The following EFCAB5 variants were observed in gnomAD, a reference collection of about 807,000 sequenced individuals.
EFCAB5 encodes EF-hand calcium-binding domain-containing protein 5.
A neutral mutation model predicts 167.9 loss-of-function variants in EFCAB5; 131 were observed. The ratio of observed to expected loss-of-function variants is 0.78; its 90% confidence interval spans 0.68 to 0.90. The LOEUF (loss-of-function observed/expected upper bound fraction) is 0.90, where lower values mean the gene tolerates loss of function less well. Among genes scored for constraint, EFCAB5 ranks in the 40% least tolerant of loss-of-function variants. EFCAB5 has a pLI of 0.00. For missense variants in EFCAB5, 1,663 were observed against 1,745.2 expected (o/e 0.95, Z 0.84); for synonymous variants, 574 against 602.8 (o/e 0.95, Z 0.70).
At chr17:30,010,775 A>C (rs918459339) in intron 7 of EFCAB5, among the ~76,000 whole-genome samples, 2 of 152,166 alleles carry the variant, frequency 1.3e-5, no homozygotes, top group Non-Finnish European at 2.9e-5. Context: ...CTTTGATGGT[A>C]GTTTCTCTGG....
intron 7 of EFCAB5, among the ~76,000 whole-genome samples, chr17:30,030,955 A>G (rs1233972726): frequency 1.3e-5 from 2 of 152,212 alleles, no homozygotes; most frequent in Non-Finnish European, 2.9e-5. Flanking sequence ...ACAGCCAGAA[A>G]GCTCATATGG....
At chr17:30,100,740 C>A (rs1232119147) in intron 22 of EFCAB5, among the ~76,000 whole-genome samples, 2 of 150,982 alleles carry the variant, frequency 1.3e-5, no homozygotes, top group Non-Finnish European at 2.9e-5. Context: ...GTGCTCCAAC[C>A]TAGGCGACAG....
At chr17:30,064,241 A>G (rs1374053156) in intron 14 of EFCAB5, among the ~76,000 whole-genome samples, 2 of 152,250 alleles carry the variant, frequency 1.3e-5, no homozygotes, top group Non-Finnish European at 2.9e-5. Flanking sequence ...ACAAGACAAG[A>G]AAATTCAGAT....
At chr17:30,023,226 A>T (rs1361795901) in intron 7 of EFCAB5, among the ~76,000 whole-genome samples, 1 of 152,200 alleles carries the variant, frequency 6.6e-6, no homozygotes, top group Non-Finnish European at 1.5e-5. Context: ...CCTTCAAAAA[A>T]TTAATGAATC....
intron 4 of EFCAB5, among the ~76,000 whole-genome samples, chr17:29,982,851 C>T (rs146311803): frequency 3.9e-5 from 6 of 152,286 alleles, no homozygotes; most frequent in East Asian, 1.9e-4. Context: ...TTTCCTTATA[C>T]AGCTTGAATT....
At chr17:30,081,064 T>A (rs1475027625) in intron 17 of EFCAB5, 83 bp downstream of exon 17, 5 of 1,083,590 alleles carry the variant, frequency 4.6e-6, no homozygotes, top group African/African-American at 1.6e-5. Context: ...TGAAATCCGA[T>A]GAGAGTAAAG....
chr17:29,973,659 G>A (rs909336217), intron 4 of EFCAB5, among the ~76,000 whole-genome samples: 3 of 150,964 alleles, frequency 2.0e-5, no homozygotes, highest in African/African-American at 4.9e-5. Context: ...TGTATTTTTC[G>A]TAGAGACAGG....
intron 3 of EFCAB5, among the ~76,000 whole-genome samples, chr17:29,967,660 A>G (rs2067859083): frequency 6.6e-6 from 1 of 152,094 alleles, no homozygotes; most frequent in Non-Finnish European, 1.5e-5. Context: ...ATTCTTGCGC[A>G]TTTTTTAAAT....
chr17:30,054,114 A>C lies in EFCAB5; in HGVS notation c.2160A>C (p.Glu720Asp). Residue 720 changes from glutamate (E) to aspartate (D), a missense_variant, in exon 10 of 23, where the codon GAA becomes GAC. Physicochemically the swap from Glu to Asp is conservative, Grantham distance 45 (BLOSUM62 2). Coordinates refer to ENST00000394835, the MANE Select transcript of EFCAB5 (RefSeq NM_198529.4). ...TCCTGAGTTCTGAACTGCAAGAGGA[A>C]GTTCCAACCTTAAGCAGAAAAGATC... is the stretch of plus-strand genomic sequence containing the variant. ...EIFLSSELQE[E>D]VPTLSRKDHF... 6.4e-7 allele frequency: 1 copy of C among 1,571,380 alleles called. No individual in the cohort carries two copies. Among genetic ancestry groups the C allele is most frequent in the Non-Finnish European group, 8.6e-7 (1 of 1,159,332 alleles).
rs1214566391 is a variant in EFCAB5 at position 30,080,988 on chromosome 17, C to T, written c.3426+7C>T. ...TGAGATCAGATTCTATCAGGTAAGT[C>T]ATAGAAGTCTTCAAGAGCGATGGTA... On this transcript the variant is annotated splice_region_variant and intron_variant, in intron 17 of 22. Coordinates refer to ENST00000394835, the MANE Select transcript of EFCAB5 (RefSeq NM_198529.4). 5 of 1,604,692 alleles carry T rather than the reference C, an allele frequency of 3.1e-6. No homozygotes were observed. Among genetic ancestry groups the T allele is most frequent in the East Asian group, 2.2e-5 (1 of 44,834 alleles).
Position 29,993,266 on chromosome 17 carries a change from A to G in EFCAB5, c.869A>G (p.Gln290Arg), listed in dbSNP as rs529785267. Residue 290 changes from glutamine to arginine, a missense_variant, in exon 5 of 23, where the codon CAG becomes CGG. Transcript: ENST00000394835. Reference protein sequence around the residue: ...KVANTRKQALQEQFDEWILDP... With the variant: ...KVANTRKQALREQFDEWILDP... The stretch of plus-strand genomic sequence containing the variant: ...GCCAACACACGGAAACAGGCTCTGC[A>G]GGAGCAATTCGATGAATGGATTCTA... 1.9e-6 allele frequency: 3 copies of G among 1,613,916 alleles called. No individual in the cohort carries two copies. The East Asian group carries it at 6.7e-5, about 36-fold the overall frequency.
At chr17:30,013,481 C>A (rs2068956454) in intron 7 of EFCAB5, among the ~76,000 whole-genome samples, 1 of 152,118 alleles carries the variant, frequency 6.6e-6, no homozygotes, top group African/African-American at 2.4e-5. Context: ...AATTTCAGAG[C>A]CTGTTATTGG....
At position 30,092,087 on chromosome 17, in the gene EFCAB5, C is replaced by T. The variant is rs368739349; in HGVS notation, c.4154C>T (p.Ala1385Val). The T allele has an allele frequency of 1.2e-6, 2 of 1,613,748 alleles. No individual in the cohort carries two copies. Among genetic ancestry groups the T allele is most frequent in the Non-Finnish European group, 1.7e-6 (2 of 1,179,864 alleles). ...AAACTAGTGCGTGACATCCTGAAGG[C>T]GGTTATCTTGTTCTTTCATCCAGAG... ...NVKLVRDILK[A>V]VILFFHPELE... Residue 1385 changes from alanine to valine, a missense_variant, in exon 21 of 23, where the codon GCG becomes GTG. Transcript: ENST00000394835.
intron 4 of EFCAB5, among the ~76,000 whole-genome samples, chr17:29,976,552 A>C (rs2068067123): frequency 6.6e-6 from 1 of 152,142 alleles, no homozygotes; most frequent in African/African-American, 2.4e-5. Flanking sequence ...TATCGACTTA[A>C]AGCTTATATA....
chr17:29,955,291 A>G (rs997363001), intron 3 of EFCAB5, among the ~76,000 whole-genome samples: 5 of 152,190 alleles, frequency 3.3e-5, no homozygotes, highest in Non-Finnish European at 5.9e-5. Flanking sequence ...TATAGCTCCC[A>G]TAATTCCCAC....
intron 7 of EFCAB5, among the ~76,000 whole-genome samples, chr17:30,024,234 G>A (rs2069256099): frequency 1.3e-5 from 2 of 151,934 alleles, no homozygotes; most frequent in Non-Finnish European, 2.9e-5. Context: ...AAAAGAGGAA[G>A]TCAAATTGTC....
chr17:29,996,865 A>T (rs1567703346), intron 6 of EFCAB5, among the ~76,000 whole-genome samples: 1 of 152,270 alleles, frequency 6.6e-6, no homozygotes, highest in East Asian at 1.9e-4. Flanking sequence ...TGTTTCTCAA[A>T]TGTTGTTTCT....
intron 7 of EFCAB5, among the ~76,000 whole-genome samples, chr17:30,002,225 C>T (rs894183664): frequency 6.6e-6 from 1 of 152,034 alleles, no homozygotes; most frequent in Non-Finnish European, 1.5e-5. Flanking sequence ...CAAGAAGTTG[C>T]AAAGATAGTA....
chr17:30,012,058 G>A (rs969808389), intron 7 of EFCAB5, among the ~76,000 whole-genome samples: 8 of 152,190 alleles, frequency 5.3e-5, no homozygotes, highest in Non-Finnish European at 1.0e-4. Context: ...ACAAGAGTGC[G>A]AGCCTTCTGT....
Sources: allele counts gnomAD v4.1 joint callset (sites outside exome capture counted in the v4.1 genomes callset), GRCh38; gene constraint gnomAD v4.1.1; transcripts MANE v1.5; gene names NCBI Gene and HGNC (gene_info 2026-07-23, HGNC 2026-07-21).